Variants in ROBO2 observed in about 807,000 individuals in gnomAD.
ROBO2 encodes roundabout guidance receptor 2, also known as roundabout homolog 2.
Under a neutral mutation model 160.8 loss-of-function variants are expected in ROBO2, and 53 were observed. The observed-to-expected ratio is 0.33, with a 90% CI of 0.26 to 0.41. The LOEUF (loss-of-function observed/expected upper bound fraction) is 0.41, where lower values mean the gene tolerates loss of function less well. Among genes scored for constraint, ROBO2 ranks in the 10% least tolerant of loss-of-function variants. ROBO2 has a pLI of 1.00. For synonymous variants in ROBO2, 664 were observed against 611.7 expected (o/e 1.09, Z -1.26); for missense variants, 1,577 against 1,722.4 (o/e 0.92, Z 1.49).
intron 2 of ROBO2, among the ~76,000 whole-genome samples, chr3:76,270,199 G>A (rs2107623560): frequency 6.6e-6 from 1 of 152,094 alleles, no homozygotes; most frequent in African/African-American, 2.4e-5. Flanking sequence ...AACCACAATG[G>A]CACATCAATG....
At chr3:77,568,216 A>G in intron 12 of ROBO2, 97 bp from the exon 14 acceptor site, 1 of 1,407,890 alleles carries the variant, frequency 7.1e-7, no homozygotes, top group Non-Finnish European at 9.8e-7. Flanking sequence ...GTTTCCCTGT[A>G]ATTAGTTCTA....
chr3:76,862,525 C>G (rs548907092), intron 2 of ROBO2, among the ~76,000 whole-genome samples: 1 of 152,160 alleles, frequency 6.6e-6, no homozygotes, highest in East Asian at 1.9e-4. Flanking sequence ...AGAAATAGGA[C>G]TGGACAAAGG....
intron 2 of ROBO2, among the ~76,000 whole-genome samples, chr3:76,598,889 C>G (rs1334598548): frequency 1.3e-5 from 2 of 152,030 alleles, no homozygotes; most frequent in African/African-American, 4.8e-5. Context: ...GAAGCAACAG[C>G]TACTAAGAAA....
chr3:76,866,260 G>C (rs1025684789), intron 2 of ROBO2, among the ~76,000 whole-genome samples: 1 of 152,124 alleles, frequency 6.6e-6, no homozygotes, highest in African/African-American at 2.4e-5. Context: ...CACAGGATAT[G>C]TAGCTGTCCA....
intron 2 of ROBO2, among the ~76,000 whole-genome samples, chr3:76,038,783 T>G: frequency 9.0e-6 from 1 of 110,530 alleles, no homozygotes; most frequent in Admixed American, 8.4e-5. Flanking sequence ...TGTGTGTGTG[T>G]GTGTGTGTAT....
intron 2 of ROBO2, among the ~76,000 whole-genome samples, chr3:77,353,252 C>T (rs1001401468): frequency 6.6e-6 from 1 of 151,992 alleles, no homozygotes; most frequent in Non-Finnish European, 1.5e-5. Context: ...TGTGGGCCAC[C>T]CAAACATTTG....
intron 2 of ROBO2, among the ~76,000 whole-genome samples, chr3:76,603,500 T>C (rs2087402687): frequency 6.6e-6 from 1 of 150,978 alleles, no homozygotes; most frequent in Non-Finnish European, 1.5e-5. Context: ...CTATTAAATT[T>C]CCAAAATAAG....
chr3:76,012,442 A>G (rs2066221210), intron 2 of ROBO2, among the ~76,000 whole-genome samples: 1 of 152,202 alleles, frequency 6.6e-6, no homozygotes, highest in Non-Finnish European at 1.5e-5. Context: ...TTGATGAGAT[A>G]AAATATACAA....
chr3:77,593,374 C>G (rs938255489), intron 17 of ROBO2, among the ~76,000 whole-genome samples: 1 of 152,078 alleles, frequency 6.6e-6, no homozygotes, highest in African/African-American at 2.4e-5. Context: ...TTGTTAAAAG[C>G]AGTTATTAAA....
chr3:77,187,018 G>A (rs7614752), intron 2 of ROBO2, among the ~76,000 whole-genome samples: 60,944 of 151,704 alleles, frequency 0.4, 12,575 homozygotes, highest in Middle Eastern at 0.51. Context: ...AAATGTAATC[G>A]CAGCTATTGT....
chr3:76,665,415 T>G (rs1273174013), intron 2 of ROBO2, among the ~76,000 whole-genome samples: 2 of 152,038 alleles, frequency 1.3e-5, no homozygotes, highest in Non-Finnish European at 2.9e-5. Flanking sequence ...GAATCATATC[T>G]GATGTCAAAT....
chr3:76,930,819 G>A (rs779581360), intron 2 of ROBO2, among the ~76,000 whole-genome samples: 6 of 152,140 alleles, frequency 3.9e-5, no homozygotes, highest in Non-Finnish European at 7.3e-5. Flanking sequence ...TCAGTGGATT[G>A]GAAAATTCCC....
intron 2 of ROBO2, among the ~76,000 whole-genome samples, chr3:76,053,504 A>G (rs1040137809): frequency 1.2e-4 from 19 of 152,206 alleles, no homozygotes; most frequent in Non-Finnish European, 2.2e-4. Flanking sequence ...AATAACATGT[A>G]TGTATATTTT....
At chr3:77,264,572 C>T (rs1220375857) in intron 2 of ROBO2, among the ~76,000 whole-genome samples, 1 of 151,920 alleles carries the variant, frequency 6.6e-6, no homozygotes, top group Non-Finnish European at 1.5e-5. Flanking sequence ...TCTATGTCTG[C>T]CAGGAAGAGA....
At chr3:77,442,105 A>G (rs560871060) in intron 2 of ROBO2, among the ~76,000 whole-genome samples, 36 of 152,070 alleles carry the variant, frequency 2.4e-4, no homozygotes, top group Non-Finnish European at 4.4e-4. Context: ...GAGGTCAGGA[A>G]ATCGAGACCA....
intron 2 of ROBO2, among the ~76,000 whole-genome samples, chr3:77,199,620 A>AT (rs66672194): frequency 0.028 from 3,267 of 118,144 alleles, 176 homozygotes; most frequent in African/African-American, 0.078. Flanking sequence ...CTCAGTCACC[A>AT]TTTTTTTTTT....
chr3:75,919,126 G>A, intron 1 of ROBO2, among the ~76,000 whole-genome samples: 1 of 152,190 alleles, frequency 6.6e-6, no homozygotes, highest in Non-Finnish European at 1.5e-5. Flanking sequence ...AGTTTTCAAA[G>A]GGAATGCTTC....
At chr3:77,602,154 AG>A in intron 19 of ROBO2, 55 bp from the exon 21 acceptor site, 3 of 1,555,178 alleles carry the variant, frequency 1.9e-6, no homozygotes, top group Non-Finnish European at 2.7e-6. Flanking sequence ...CAGTCCTGAT[AG>A]TTTTGGGCTT....
At chr3:76,121,616 T>C (rs1462409067) in intron 2 of ROBO2, among the ~76,000 whole-genome samples, 1 of 152,196 alleles carries the variant, frequency 6.6e-6, no homozygotes, top group East Asian at 1.9e-4. Context: ...AACAATTCTT[T>C]TATTTCATTG....
Sources: gnomAD v4.1 joint callset for allele counts (sites outside exome capture counted in the v4.1 genomes callset) on GRCh38, gnomAD v4.1.1 for gene constraint, MANE v1.5 for transcripts, NCBI Gene and HGNC (gene_info 2026-07-23, HGNC 2026-07-21) for gene names.